Variants in BCR observed in about 807,000 individuals in gnomAD.
The protein encoded by BCR is BCR activator of RhoGEF and GTPase, also known as breakpoint cluster region protein.
BCR carries 58 observed loss-of-function variants against 138.6 expected under a neutral mutation model. That is an observed-to-expected ratio of 0.42 (90% CI 0.34 to 0.52). The LOEUF (loss-of-function observed/expected upper bound fraction) is 0.52. Ranked by LOEUF, BCR falls within the 20% of genes least tolerant of loss-of-function variation. The pLI is 0.06. For synonymous variants in BCR, 786 were observed against 730.1 expected (o/e 1.08, Z -1.23); for missense variants, 1,599 against 1,727.2 (o/e 0.93, Z 1.32).
At chr22:23,225,601 G>C (rs2072881996) in intron 1 of BCR, among the ~76,000 whole-genome samples, 1 of 152,224 alleles carries the variant, frequency 6.6e-6, no homozygotes, top group African/African-American at 2.4e-5. Flanking sequence ...CCCAGGGCTT[G>C]TTTCTCACCC....
intron 4 of BCR, chr22:23,262,852 C>T (rs1011029877): frequency 1.1e-5 from 11 of 1,043,160 alleles, no homozygotes; most frequent in South Asian, 7.9e-5. Flanking sequence ...GGAAGGGAAG[C>T]CCGGGCCGCA....
At chr22:23,234,875 AC>A (rs1486797039) in intron 1 of BCR, among the ~76,000 whole-genome samples, 1 of 143,758 alleles carries the variant, frequency 7.0e-6, no homozygotes, top group African/African-American at 2.5e-5. Context: ...ACCAAGGGCC[AC>A]CCGGAGCCTA....
At chr22:23,292,766 G>C (rs182160597) in intron 15 of BCR, 128 bp downstream of exon 15, 287 of 712,138 alleles carry the variant, frequency 4.0e-4, no homozygotes, top group Middle Eastern at 2.2e-3. Context: ...TGAATTCCAG[G>C]AATCTCCTGG....
Position 23,288,056 on chromosome 22 carries a change from A to G in BCR, c.2527-41A>G, listed in dbSNP as rs201310012. The G allele has an allele frequency of 1.1e-4, 176 of 1,593,628 alleles. No homozygotes were observed. The African/African-American group carries it at 2.1e-3, about 19-fold the overall frequency. On this transcript the variant is annotated intron_variant, in intron 11 of 22. Coordinates refer to ENST00000305877, the MANE Select transcript of BCR (RefSeq NM_004327.4). ...GGGCCTACCAGGCATTTGCGTAGCCAGGGCGGAGATAACTGGGTGTGTTCT... is the reference window on the plus strand; with the variant it reads ...GGGCCTACCAGGCATTTGCGTAGCCGGGGCGGAGATAACTGGGTGTGTTCT...
chr22:23,202,534 AG>A (rs1185584473), intron 1 of BCR, among the ~76,000 whole-genome samples: 4 of 152,138 alleles, frequency 2.6e-5, no homozygotes, highest in Non-Finnish European at 4.4e-5. Flanking sequence ...CCCCACGCCC[AG>A]TCCCTGTAAC....
intron 1 of BCR, among the ~76,000 whole-genome samples, chr22:23,185,821 C>G (rs916098933): frequency 6.6e-6 from 1 of 151,762 alleles, no homozygotes; most frequent in South Asian, 2.1e-4. Context: ...CTCCGCCTCT[C>G]GGCTTCACAC....
intron 1 of BCR, among the ~76,000 whole-genome samples, chr22:23,249,140 G>A (rs1185432975): frequency 6.6e-6 from 1 of 151,876 alleles, no homozygotes; most frequent in African/African-American, 2.4e-5. Flanking sequence ...TTAAAAATTA[G>A]CTGGGCAGGC....
intron 1 of BCR, among the ~76,000 whole-genome samples, chr22:23,187,031 G>A (rs1186456608): frequency 1.3e-5 from 2 of 152,174 alleles, no homozygotes; most frequent in Admixed American, 1.3e-4. Flanking sequence ...CCACTGCTCT[G>A]GGCCAACTGT....
At chr22:23,269,131 G>A (rs1001039734) in intron 5 of BCR, among the ~76,000 whole-genome samples, 4 of 152,270 alleles carry the variant, frequency 2.6e-5, no homozygotes, top group Non-Finnish European at 5.9e-5. Flanking sequence ...GGCCTCGAAA[G>A]AGTCATTCAG....
At chr22:23,287,369 C>T in intron 11 of BCR, 91 bp downstream of exon 11, 1 of 1,438,392 alleles carries the variant, frequency 7.0e-7, no homozygotes, top group South Asian at 1.5e-5. Flanking sequence ...CTTGGATGCG[C>T]CCCACTCTGA....
intron 1 of BCR, among the ~76,000 whole-genome samples, chr22:23,245,381 C>T (rs548742487): frequency 5.3e-5 from 8 of 152,210 alleles, no homozygotes; most frequent in South Asian, 4.2e-4. Context: ...CGGGCAGCTG[C>T]GGCTTTCCAT....
chr22:23,288,166 A>C lies in BCR; in HGVS notation c.2596A>C (p.Lys866Gln), dbSNP rs149898233. The C allele has an allele frequency of 8.1e-5, 130 of 1,613,812 alleles. No individual in the cohort carries two copies. Among genetic ancestry groups the C allele is most frequent in the Non-Finnish European group, 7.6e-5 (90 of 1,179,842 alleles). The change falls in exon 12 of 23, where the codon AAG (lysine) becomes CAG (glutamine). Residue 866 changes from lysine to glutamine, a missense_variant. Transcript: ENST00000305877. ...GAGGGAGAACATCCGGGAGCAGCAG[A>C]AGAAGTGTGAGTATCCTCTGTCCTG... ...EWRENIREQQKKCFRSFSLTS... is the reference protein window; with the variant it reads ...EWRENIREQQQKCFRSFSLTS...
In BCR at chr22:23,287,216, G is replaced by A. The variant is rs999970466; in HGVS notation, c.2464G>A (p.Glu822Lys). Residue 822 changes from glutamate to lysine, a missense_variant, in exon 11 of 23, where the codon GAG becomes AAG. This residue lies in a region of BCR where 590 missense variants were observed against 762.4 expected (regional missense o/e 0.77). Transcript: ENST00000305877. ...GCTGAAGAAGAAGCTGTCGGAGCAGGAGTCACTGCTGCTGCTTATGTCTCC... is the reference window on the plus strand; with the variant it reads ...GCTGAAGAAGAAGCTGTCGGAGCAGAAGTCACTGCTGCTGCTTATGTCTCC... Reference protein sequence around the residue: ...ERLKKKLSEQESLLLLMSPSM... With the variant: ...ERLKKKLSEQKSLLLLMSPSM... 2 of 1,565,680 alleles carry A rather than the reference G, an allele frequency of 1.3e-6. No homozygotes were observed. The highest frequency in any genetic ancestry group is 2.4e-5 in the East Asian group (1 of 42,204).
At chr22:23,200,375 C>T (rs1394260025) in intron 1 of BCR, among the ~76,000 whole-genome samples, 1 of 151,668 alleles carries the variant, frequency 6.6e-6, no homozygotes. Context: ...GGTGCAGTGG[C>T]ACACTCACAA....
At chr22:23,216,731 G>A (rs1029908659) in intron 1 of BCR, among the ~76,000 whole-genome samples, 5 of 152,236 alleles carry the variant, frequency 3.3e-5, no homozygotes, top group South Asian at 2.1e-4. Flanking sequence ...TTTGACTGCC[G>A]CTGGCATCCG....
chr22:23,308,345 G>A (rs866559764), intron 16 of BCR, among the ~76,000 whole-genome samples: 26 of 151,796 alleles, frequency 1.7e-4, no homozygotes, highest in Admixed American at 2.6e-4. Context: ...TTGCTGTGTC[G>A]CCCAGGCTGG....
At chr22:23,191,336 C>T (rs952472586) in intron 1 of BCR, among the ~76,000 whole-genome samples, 3 of 152,224 alleles carry the variant, frequency 2.0e-5, no homozygotes, top group Non-Finnish European at 2.9e-5. Context: ...CCTATCCAAT[C>T]GCTCAAAGGT....
chr22:23,270,025 C>T (rs1198726848), intron 5 of BCR, among the ~76,000 whole-genome samples: 2 of 152,076 alleles, frequency 1.3e-5, no homozygotes, highest in African/African-American at 2.4e-5. Context: ...TTTGTGGCAC[C>T]TGCACCATCA....
chr22:23,255,935 TGGA>T (rs778563607), intron 2 of BCR, among the ~76,000 whole-genome samples: 83 of 152,228 alleles, frequency 5.5e-4, no homozygotes, highest in Admixed American at 3.2e-3. Context: ...GGGATTTGAT[TGGA>T]GGAGAACTGT....
Sources: gnomAD v4.1 joint callset for allele counts (sites outside exome capture counted in the v4.1 genomes callset) on GRCh38, gnomAD v4.1.1 for gene constraint, gnomAD v4.1.1 regional missense constraint, MANE v1.5 for transcripts, NCBI Gene and HGNC (gene_info 2026-07-23, HGNC 2026-07-21) for gene names.